Variants in PSD2 observed in about 807,000 individuals in gnomAD.
The protein encoded by PSD2 is pleckstrin and Sec7 domain containing 2.
PSD2 carries 38 observed loss-of-function variants against 69.8 expected under a neutral mutation model. The observed-to-expected ratio is 0.54, with a 90% CI of 0.42 to 0.71. The LOEUF (loss-of-function observed/expected upper bound fraction) is 0.71, where lower values mean the gene tolerates loss of function less well. PSD2 is among the 30% of genes least tolerant of loss of function. The pLI is 0.00. For synonymous variants in PSD2, 412 were observed against 423.0 expected, an observed-to-expected ratio of 0.97 and a Z score of 0.32; for missense variants, 943 against 1,014.5, an observed-to-expected ratio of 0.93 and a Z score of 0.96.
the PSD2 span, among the ~76,000 whole-genome samples, chr5:139,761,123 C>T: frequency 4.6e-4 from 70 of 152,290 alleles, no homozygotes; most frequent in Middle Eastern, 0.01. Context: ...CAGCATTGCC[C>T]ATCAACATCT....
chr5:139,757,691 A>G, the PSD2 span, among the ~76,000 whole-genome samples: 2 of 152,168 alleles, frequency 1.3e-5, no homozygotes, highest in Non-Finnish European at 2.9e-5. Flanking sequence ...GAGCAAACCA[A>G]CGTATACATA....
chr5:139,783,943 C>CTTTTTTTTTTTTTTTTTTTTTTTTTT, the PSD2 span, among the ~76,000 whole-genome samples: 26 of 87,882 alleles, frequency 3.0e-4, 3 homozygotes, highest in African/African-American at 5.5e-4. Flanking sequence ...TCTGCTAGCT[C>CTTTTTTTTTTTTTTTTTTTTTTTTTT]TTTTTTTTTT....
At chr5:139,782,163 T>C in the PSD2 span, among the ~76,000 whole-genome samples, 6 of 152,120 alleles carry the variant, frequency 3.9e-5, no homozygotes, top group Non-Finnish European at 7.3e-5. Flanking sequence ...TAAATGCTTG[T>C]TATCTAGTTT....
At chr5:139,793,212 G>C (rs1759450352), upstream of PSD2, among the ~76,000 whole-genome samples, 1 of 152,102 alleles carries the variant, frequency 6.6e-6, no homozygotes, top group South Asian at 2.1e-4. Context: ...CCAAAGTGTT[G>C]GGATTACAGG....
At position 139,822,731 on chromosome 5, in the gene PSD2, A is replaced by G; in HGVS notation, c.1216A>G (p.Ile406Val). Reference sequence around the variant, plus strand: ...TGCCACCATCTCTGACTCAGATGGGATCCACACGCTCACCTGTGCCCTGAT... The same window carrying G: ...TGCCACCATCTCTGACTCAGATGGGGTCCACACGCTCACCTGTGCCCTGAT... The part of the protein sequence containing the change: ...NPDDSTSEDG[I>V]HTLTCALMLL... The change falls in exon 7 of 15, where the codon ATC becomes GTC. Residue 406 changes from isoleucine to valine, a missense_variant. Physicochemically the swap from Ile to Val is conservative, Grantham distance 29 (BLOSUM62 3). This residue lies in a region of PSD2 where 312 missense variants were observed against 400.7 expected (regional missense o/e 0.78). Coordinates refer to ENST00000274710, the MANE Select transcript of PSD2 (RefSeq NM_032289.4). 3.1e-6 allele frequency: 5 copies of G among 1,610,442 alleles called. No individual in the cohort carries two copies. The highest frequency in any genetic ancestry group is 4.2e-6 in the Non-Finnish European group (5 of 1,178,222).
chr5:139,775,349 G>GT, the PSD2 span: 6 of 152,534 alleles, frequency 3.9e-5, no homozygotes, highest in Non-Finnish European at 8.8e-5. Context: ...GCGAGGCCGA[G>GT]TGGGGAGCTT....
chr5:139,793,617 T>C (rs1759458408), upstream of PSD2, among the ~76,000 whole-genome samples: 1 of 152,250 alleles, frequency 6.6e-6, no homozygotes, highest in Non-Finnish European at 1.5e-5. Context: ...ACCTTTCCCC[T>C]TTCCCTGTTC....
intron 2 of PSD2, among the ~76,000 whole-genome samples, chr5:139,810,920 C>T (rs1477921416): frequency 1.3e-5 from 2 of 152,014 alleles, no homozygotes; most frequent in Admixed American, 6.5e-5. Flanking sequence ...AAGCTCCCAT[C>T]AGGGCCACCC....
Position 139,843,006 on chromosome 5 carries a change from G to A in PSD2, c.*532G>A, listed in dbSNP as rs10078529. On this transcript the variant is annotated 3_prime_UTR_variant, in exon 15 of 15. Coordinates refer to ENST00000274710, the MANE Select transcript of PSD2 (RefSeq NM_032289.4). ...CCTGCCTCACATCACAATAATCTGG[G>A]ACCCAGGCTTGTGCCCTTTCAGTGT... The A allele has an allele frequency of 0.08, 12,459 of 155,218 alleles. 589 individuals are homozygous for A. The highest frequency in any genetic ancestry group is 0.14 in the African/African-American group (5,772 of 41,540). 9.6% of individuals were successfully genotyped at this position (155,218 alleles called of 1,614,324 possible).
At chr5:139,766,606 T>G in the PSD2 span, among the ~76,000 whole-genome samples, 1 of 152,204 alleles carries the variant, frequency 6.6e-6, no homozygotes, top group African/African-American at 2.4e-5. Context: ...ATCTGTGATT[T>G]TGTGCCCATT....
intron 7 of PSD2, among the ~76,000 whole-genome samples, chr5:139,828,329 A>G (rs1469213223): frequency 1.3e-5 from 2 of 152,176 alleles, no homozygotes; most frequent in African/African-American, 2.4e-5. Context: ...GCTCAAGCTG[A>G]AACAAAGATT....
the PSD2 span, among the ~76,000 whole-genome samples, chr5:139,784,563 CTCATCATGGCCTACAACGCCCTCCA>C: frequency 1.3e-5 from 2 of 152,182 alleles, no homozygotes; most frequent in Admixed American, 6.5e-5. Flanking sequence ...AGCCAAAGTC[CTCATCATGGCCTACAACGCCCTCCA>C]TCATCTGGCC....
chr5:139,757,340 C>T, the PSD2 span, among the ~76,000 whole-genome samples: 2 of 152,224 alleles, frequency 1.3e-5, no homozygotes, highest in African/African-American at 2.4e-5. Context: ...CCCTGTCCTT[C>T]GCCTGCATCT....
At chr5:139,806,815 C>G (rs774552799) in intron 1 of PSD2, among the ~76,000 whole-genome samples, 1 of 152,206 alleles carries the variant, frequency 6.6e-6, no homozygotes, top group Non-Finnish European at 1.5e-5. Flanking sequence ...GGTTCTGGCT[C>G]AGCTACTTCT....
upstream of PSD2, among the ~76,000 whole-genome samples, chr5:139,793,843 C>T (rs1180258947): frequency 6.6e-6 from 1 of 152,190 alleles, no homozygotes; most frequent in East Asian, 1.9e-4. Context: ...CCATCCTAGC[C>T]TCACAAAGAG....
the PSD2 span, among the ~76,000 whole-genome samples, chr5:139,744,326 A>G: frequency 1.3e-5 from 2 of 152,122 alleles, no homozygotes; most frequent in African/African-American, 4.8e-5. Flanking sequence ...CCACTCCTCC[A>G]ATCCTTCCCA....
the PSD2 span, among the ~76,000 whole-genome samples, chr5:139,753,036 T>C: frequency 9.9e-5 from 15 of 152,134 alleles, 1 homozygote; most frequent in Admixed American, 9.8e-4. Context: ...TTCTTGCCTT[T>C]CTCCTGGGCT....
At chr5:139,784,989 C>T in the PSD2 span, among the ~76,000 whole-genome samples, 41 of 152,040 alleles carry the variant, frequency 2.7e-4, no homozygotes, top group Non-Finnish European at 8.8e-5. Flanking sequence ...AAACTCCTGA[C>T]CTCAGGTGAT....
At chr5:139,747,709 A>T in the PSD2 span, among the ~76,000 whole-genome samples, 37 of 152,328 alleles carry the variant, frequency 2.4e-4, no homozygotes, top group African/African-American at 8.7e-4. This position sits in a 1 kb window ranked among gnomAD's most constrained non-coding sequence, Gnocchi z 6.7. Flanking sequence ...GTCAGACCCA[A>T]TTTATCTCGC....
Sources: allele counts gnomAD v4.1 joint callset (sites outside exome capture counted in the v4.1 genomes callset), GRCh38; gene constraint gnomAD v4.1.1; regional missense constraint gnomAD v4.1.1; non-coding constraint Gnocchi (gnomAD v3.1); transcripts MANE v1.5; gene names NCBI Gene and HGNC (gene_info 2026-07-23, HGNC 2026-07-21).